The following MSMO1 variants were observed in gnomAD, a reference collection of about 807,000 sequenced individuals.
MSMO1 encodes the protein C-4 methylsterol oxidase.
In MSMO1, 18 loss-of-function variants were observed where a neutral mutation model predicts 30.4. The observed-to-expected ratio is 0.59, with a 90% confidence interval of 0.41 to 0.88. MSMO1 has a LOEUF of 0.88. Ranked by LOEUF, MSMO1 falls within the 40% of genes least tolerant of loss-of-function variation. The probability of loss-of-function intolerance (pLI) is 0.00; values close to 1 mark genes in which losing one functional copy is unlikely to be tolerated. For missense variants in MSMO1, 284 were observed against 340.5 expected, an observed-to-expected ratio of 0.83 and a Z score of 1.31; for synonymous variants, 84 against 107.9, an observed-to-expected ratio of 0.78 and a Z score of 1.37.
chr4:165,329,571 C>T (rs1004164361), intron 1 of MSMO1, among the ~76,000 whole-genome samples: 25 of 114,430 alleles, frequency 2.2e-4, no homozygotes, highest in Non-Finnish European at 2.8e-4. Context: ...GTCAAATAAA[C>T]TCCAAAAAAA....
At chr4:165,331,350 C>A (rs1170026882) in intron 1 of MSMO1, among the ~76,000 whole-genome samples, 1 of 151,068 alleles carries the variant, frequency 6.6e-6, no homozygotes, top group East Asian at 1.9e-4. Context: ...TGTTTTTAGA[C>A]CTGAAGGAAT....
chr4:165,330,378 C>T (rs1404330412), intron 1 of MSMO1, among the ~76,000 whole-genome samples: 1 of 152,182 alleles, frequency 6.6e-6, no homozygotes, highest in Non-Finnish European at 1.5e-5. Flanking sequence ...TTGTTAGTTT[C>T]TTGTAGCTAT....
intron 1 of MSMO1, among the ~76,000 whole-genome samples, chr4:165,331,744 A>G (rs567066907): frequency 2.6e-5 from 4 of 152,304 alleles, no homozygotes; most frequent in African/African-American, 9.6e-5. Context: ...AAAATTCATA[A>G]ATTAGAAGCA....
At position 165,340,248 on chromosome 4, in the gene MSMO1, G is replaced by T; in HGVS notation, c.559G>T (p.Ala187Ser). The T allele has an allele frequency of 6.2e-7, 1 of 1,613,874 alleles. No individual in the cohort carries two copies. The highest frequency in any genetic ancestry group is 8.5e-7 in the Non-Finnish European group (1 of 1,179,918). ...QAPFGMEAEYAHPLETLILGT... is the reference protein window; with the variant it reads ...QAPFGMEAEYSHPLETLILGT... Reference sequence around the variant, plus strand: ...TCCATTTGGAATGGAAGCTGAATATGCACATCCTTTGGAGACTCTAATTCT... The same window carrying T: ...TCCATTTGGAATGGAAGCTGAATATTCACATCCTTTGGAGACTCTAATTCT... The change falls in exon 5 of 6, where the codon GCA becomes TCA. Residue 187 changes from alanine to serine, a missense_variant. By Grantham distance (99) the Ala-to-Ser change is moderately conservative (BLOSUM62 1). Transcript: ENST00000261507.
Position 165,330,288 on chromosome 4 carries a change from G to A in MSMO1, c.-32+2524G>A, listed in dbSNP as rs78751609. On this transcript the variant is annotated intron_variant, in intron 1 of 5. Transcript: ENST00000261507. ...AAAATAATACCTACCTCACGAAGGT[G>A]TGGTAAGGATTAAAGTGAAAATGTA... 7.4e-3 allele frequency among the ~76,000 whole-genome samples: 1,134 copies of A among 152,324 alleles called. 10 individuals carry two copies. Among genetic ancestry groups the A allele is most frequent in the African/African-American group, 0.026 (1,087 of 41,574 alleles).
chr4:165,337,960 T>C (rs1052252702), intron 3 of MSMO1, 23 bp downstream of exon 3: 1 of 1,608,834 alleles, frequency 6.2e-7, no homozygotes, highest in African/African-American at 1.3e-5. Context: ...AAATTTGGCT[T>C]TTACACCCAA....
In MSMO1 at chr4:165,342,967, A is replaced by G. The variant is rs8733; in HGVS notation, c.*1021A>G. The G allele has an allele frequency of 0.25, 38,857 of 152,492 alleles. 5,594 individuals are homozygous for G. Among genetic ancestry groups the G allele is most frequent in the South Asian group, 0.43 (2,049 of 4,818 alleles). 9.4% of individuals were successfully genotyped at this position (152,492 alleles called of 1,614,324 possible). A position where few individuals can be genotyped will look rare whatever the true frequency, so the allele number is the denominator to read the frequency against. On this transcript the variant is annotated 3_prime_UTR_variant, in exon 6 of 6. Coordinates refer to ENST00000261507, the MANE Select transcript of MSMO1 (RefSeq NM_006745.5). The stretch of plus-strand genomic sequence containing the variant: ...TTTCTATTTACCCTTCCATTTTTGT[A>G]TATCAAATTTCCATTGTCATTAAAA...
chr4:165,328,240 G>C (rs1441095410), intron 1 of MSMO1: 1 of 152,266 alleles, frequency 6.6e-6, no homozygotes, highest in African/African-American at 2.4e-5. Flanking sequence ...CGATATTTCC[G>C]TGGGCAGAGA....
At chr4:165,338,826 A>G in intron 4 of MSMO1, 48 bp downstream of exon 4, 2 of 1,468,374 alleles carry the variant, frequency 1.4e-6, no homozygotes, top group Non-Finnish European at 1.9e-6. Flanking sequence ...CAAAATGTCT[A>G]TTTTAATTGC....
intron 2 of MSMO1, among the ~76,000 whole-genome samples, chr4:165,335,417 A>G (rs1194020599): frequency 2.6e-5 from 4 of 152,232 alleles, no homozygotes; most frequent in Non-Finnish European, 4.4e-5. Flanking sequence ...GTGACCCTCA[A>G]TTAAGGTCAC....
At chr4:165,341,729 A>G (rs1747719535) in intron 5 of MSMO1, 22 bp from the exon 6 acceptor site, 1 of 1,563,438 alleles carries the variant, frequency 6.4e-7, no homozygotes, top group Admixed American at 1.7e-5. Context: ...TTCCTTAATA[A>G]TCTTTATCAT....
intron 1 of MSMO1, 104 bp from the exon 2 acceptor site, chr4:165,333,236 T>A: frequency 1.1e-6 from 1 of 936,108 alleles, no homozygotes; most frequent in Non-Finnish European, 1.6e-6. Flanking sequence ...TTATACTCCT[T>A]TAGTAATTAT....
chr4:165,334,453 T>A (rs550075709), intron 2 of MSMO1, among the ~76,000 whole-genome samples: 129 of 152,342 alleles, frequency 8.5e-4, no homozygotes, highest in African/African-American at 2.9e-3. Context: ...TATGTTCCAG[T>A]AAATCTAAGG....
chr4:165,330,701 AC>A (rs1284243444), intron 1 of MSMO1, among the ~76,000 whole-genome samples: 2 of 152,010 alleles, frequency 1.3e-5, no homozygotes, highest in Non-Finnish European at 2.9e-5. Flanking sequence ...GAGTTAAGCA[AC>A]CTTTTTTATT....
At chr4:165,336,516 C>T (rs17046234) in intron 2 of MSMO1, among the ~76,000 whole-genome samples, 5,570 of 152,202 alleles carry the variant, frequency 0.037, 314 homozygotes, top group African/African-American at 0.12. Flanking sequence ...GTAACTGCAT[C>T]GATATCCCAG....
At chr4:165,329,623 CGA>C (rs1747334723) in intron 1 of MSMO1, among the ~76,000 whole-genome samples, 1 of 89,322 alleles carries the variant, frequency 1.1e-5, no homozygotes, top group African/African-American at 4.8e-5. Context: ...AGATCCATAG[CGA>C]TTTTTTTTTT....
Position 165,333,482 on chromosome 4 carries a change from A to G in MSMO1, c.112A>G (p.Asn38Asp). Residue 38 changes from asparagine to aspartate, a missense_variant, in exon 2 of 6, where the codon AAC becomes GAC. Coordinates refer to ENST00000261507, the MANE Select transcript of MSMO1 (RefSeq NM_006745.5). ...PLQEPFKNAW[N>D]YMLNNYTKFQ... The stretch of plus-strand genomic sequence containing the variant: ...GCAAGAACCATTTAAAAATGCTTGG[A>G]ACTATATGTTGAATAATTATACAAA... 1 of 1,613,544 alleles carries G rather than the reference A, an allele frequency of 6.2e-7. No homozygotes were observed. Among genetic ancestry groups the G allele is most frequent in the Non-Finnish European group, 8.5e-7 (1 of 1,179,764 alleles).
intron 1 of MSMO1, 127 bp from the exon 2 acceptor site, chr4:165,333,213 T>G: frequency 1.4e-6 from 1 of 698,536 alleles, no homozygotes; most frequent in Non-Finnish European, 2.2e-6. Context: ...TTAGTAATTT[T>G]TTGGTAAAAA....
intron 1 of MSMO1, among the ~76,000 whole-genome samples, chr4:165,329,625 ATTTTTT>A (rs1171733863): frequency 1.6e-4 from 11 of 68,002 alleles, no homozygotes; most frequent in African/African-American, 7.3e-4. Flanking sequence ...ATCCATAGCG[ATTTTTT>A]TTTTTTTTTT....
Sources: allele counts gnomAD v4.1 joint callset (sites outside exome capture counted in the v4.1 genomes callset), GRCh38; gene constraint gnomAD v4.1.1; transcripts MANE v1.5; gene names NCBI Gene and HGNC (gene_info 2026-07-23, HGNC 2026-07-21).